PPP2R2D: variants seen among roughly 807,000 people sequenced by gnomAD.
The protein encoded by PPP2R2D is protein phosphatase 2 regulatory subunit Bdelta.
Under a neutral mutation model 31.1 loss-of-function variants are expected in PPP2R2D, and 9 were observed. The observed-to-expected ratio is 0.29, with a 90% CI of 0.17 to 0.51. PPP2R2D has a LOEUF of 0.51. Among genes scored for constraint, PPP2R2D ranks in the 20% least tolerant of loss-of-function variants. PPP2R2D has a pLI of 0.98. For synonymous variants in PPP2R2D, 179 were observed against 172.6 expected (o/e 1.04, Z -0.29); for missense variants, 391 against 465.6 (o/e 0.84, Z 1.48).
intron 2 of PPP2R2D, among the ~76,000 whole-genome samples, chr10:131,916,510 A>G (rs782005971): frequency 3.9e-5 from 6 of 152,170 alleles, no homozygotes; most frequent in African/African-American, 7.2e-5. Context: ...TACCAACACA[A>G]CTTTGTCCTA....
intron 3 of PPP2R2D, among the ~76,000 whole-genome samples, chr10:131,939,495 G>A (rs1268366820): frequency 6.4e-5 from 6 of 93,644 alleles, no homozygotes; most frequent in East Asian, 3.2e-4. Flanking sequence ...GGCTGCATTC[G>A]GCAGACCTGC....
At chr10:131,968,981 G>T in the PPP2R2D span, 1 of 160,692 alleles carries the variant, frequency 6.2e-6, no homozygotes, top group Non-Finnish European at 1.4e-5. Flanking sequence ...TTTGGTAGTG[G>T]GAGAGATGTC....
At chr10:131,946,186 T>C (rs1281516412) in intron 7 of PPP2R2D, among the ~76,000 whole-genome samples, 1 of 152,250 alleles carries the variant, frequency 6.6e-6, no homozygotes, top group Non-Finnish European at 1.5e-5. Flanking sequence ...TTCCCTTAGC[T>C]GAAAGTCTAG....
At chr10:131,929,749 C>T (rs2036181209) in intron 2 of PPP2R2D, among the ~76,000 whole-genome samples, 1 of 152,164 alleles carries the variant, frequency 6.6e-6, no homozygotes, top group Non-Finnish European at 1.5e-5. Context: ...GGCACATGGT[C>T]CTGACTTCTA....
chr10:131,927,038 C>G (rs75725817), intron 2 of PPP2R2D, among the ~76,000 whole-genome samples: 1 of 152,324 alleles, frequency 6.6e-6, no homozygotes, highest in East Asian at 1.9e-4. Context: ...TCATCCCGCT[C>G]CAGGTGGTCT....
At chr10:131,952,991 T>C (rs1446602761) in intron 8 of PPP2R2D, among the ~76,000 whole-genome samples, 1 of 118,980 alleles carries the variant, frequency 8.4e-6, no homozygotes, top group Admixed American at 8.5e-5. Context: ...CTTAGTGACT[T>C]GCGGGTGTGC....
chr10:131,934,545 GT>G lies in PPP2R2D; in HGVS notation c.189del (p.Glu64AsnfsTer30). The G allele has an allele frequency of 1.3e-6, 1 of 779,538 alleles. No homozygotes were observed. Among genetic ancestry groups the G allele is most frequent in the South Asian group, 1.3e-5 (1 of 74,082 alleles). 48.3% of individuals were successfully genotyped at this position (779,538 alleles called of 1,614,324 possible). Reference sequence around the variant, plus strand: ...GGCGGCAGAGTTGTTATTTTTCAGCGTGAACAAGAGGTCAGTAATTTTCAGT... The same window carrying G: ...GGCGGCAGAGTTGTTATTTTTCAGCGGAACAAGAGGTCAGTAATTTTCAGT... ...DKGGRVVIFQ[R>X]EQENKSRPHS... On this transcript the variant is annotated frameshift_variant, in exon 3 of 9. Transcript: ENST00000455566. LOFTEE classifies it high-confidence loss of function.
the PPP2R2D span, chr10:131,969,562 CGGG>C: frequency 6.6e-6 from 1 of 152,252 alleles, no homozygotes; most frequent in Non-Finnish European, 1.5e-5. Context: ...GGTGGAGACA[CGGG>C]CAGCGCTCAG....
At position 131,945,153 on chromosome 10, in the gene PPP2R2D, G is replaced by T; in HGVS notation, c.656-142G>T. The T allele has an allele frequency of 1.1e-6, 1 of 946,278 alleles. No individual in the cohort carries two copies. 58.6% of individuals were successfully genotyped at this position (946,278 alleles called of 1,614,324 possible). On this transcript the variant is annotated intron_variant, in intron 6 of 8. Transcript: ENST00000455566. The surrounding 1 kb of genome is among the most constrained non-coding windows in gnomAD (Gnocchi z 4.8). Reference sequence around the variant, plus strand: ...CTTACCAGGCGCTCCTTTGGAATTCGGGATGTGTAACCAGCCTTCTTAATA... The same window carrying T: ...CTTACCAGGCGCTCCTTTGGAATTCTGGATGTGTAACCAGCCTTCTTAATA...
At chr10:131,940,940 A>T in intron 5 of PPP2R2D, 1 of 376,256 alleles carries the variant, frequency 2.7e-6, no homozygotes, top group Non-Finnish European at 4.8e-6. Flanking sequence ...GAAAACTCAT[A>T]TTTAATTCTA....
chr10:131,952,273 G>A (rs868969040), intron 8 of PPP2R2D, among the ~76,000 whole-genome samples: 36 of 118,304 alleles, frequency 3.0e-4, no homozygotes, highest in South Asian at 1.7e-3. Context: ...AGTGACTTGC[G>A]GGTGTGCGGG....
At chr10:131,944,252 A>G (rs1554897611) in intron 6 of PPP2R2D, 107 bp downstream of exon 6, 1 of 895,852 alleles carries the variant, frequency 1.1e-6, no homozygotes, top group African/African-American at 1.7e-5. Flanking sequence ...TCTTGTAAAT[A>G]CCATCACTGC....
At chr10:131,906,285 A>G (rs1025111057) in intron 2 of PPP2R2D, among the ~76,000 whole-genome samples, 15 of 152,160 alleles carry the variant, frequency 9.9e-5, no homozygotes, top group African/African-American at 3.6e-4. Context: ...TAGCTTGATA[A>G]CAGCTGGTTC....
chr10:131,901,834 T>C (rs958310268), intron 2 of PPP2R2D, among the ~76,000 whole-genome samples: 2 of 152,188 alleles, frequency 1.3e-5, no homozygotes, highest in African/African-American at 2.4e-5. Context: ...TTGAGCGAGC[T>C]GGTTGCCTCG....
the PPP2R2D span, chr10:131,970,843 T>G: frequency 3.7e-6 from 6 of 1,614,132 alleles, no homozygotes; most frequent in Admixed American, 6.7e-5. The surrounding 1 kb of genome is among the most constrained non-coding windows in gnomAD (Gnocchi z 4.1). Flanking sequence ...GGTGCCCCCG[T>G]GACACTGAGA....
chr10:131,955,888 C>T lies in PPP2R2D; in HGVS notation c.1287C>T (p.Ala429=). 1 of 1,605,022 alleles carries T rather than the reference C, an allele frequency of 6.2e-7. No homozygotes were observed. Among genetic ancestry groups the T allele is most frequent in the Non-Finnish European group, 8.5e-7 (1 of 1,175,318 alleles). ...TCAACAAGAAGATCCTGCACACAGC[C>T]TGGCACCCCGTGGACAATGTCATTG... ...LDFNKKILHT[A]WHPVDNVIAV... is the part of the protein sequence containing the mutation. The change falls in exon 9 of 9, where the codon GCC becomes GCT. Residue 429 remains alanine, a synonymous_variant. Transcript: ENST00000455566.
At position 131,939,531 on chromosome 10, in the gene PPP2R2D, C is replaced by T. The variant is rs1166665251; in HGVS notation, c.199-500C>T. ...TCCAGAAAACACGGCAGGCTGCATT[C>T]GGCAGACCTGCTCCAGAAAATACGG... On this transcript the variant is annotated intron_variant, in intron 3 of 8. Transcript: ENST00000455566. Among the ~76,000 whole-genome samples, 127 of 126,416 alleles carry T rather than the reference C, an allele frequency of 1.0e-3. 7 individuals carry two copies. The highest frequency in any genetic ancestry group is 3.6e-3 in the African/African-American group (114 of 31,628). The allele number at this position is 126,416 out of a possible 152,430, so 82.9% of individuals were successfully genotyped here.
chr10:131,905,169 A>G (rs2035562685), intron 2 of PPP2R2D, among the ~76,000 whole-genome samples: 1 of 152,154 alleles, frequency 6.6e-6, no homozygotes, highest in Non-Finnish European at 1.5e-5. Context: ...GGTGACTTGC[A>G]TCTCCTCCCT....
Position 131,901,175 on chromosome 10 carries a change from C to G in PPP2R2D, c.7+20C>G, listed in dbSNP as rs1348570862. On this transcript the variant is annotated intron_variant, in intron 1 of 8. Transcript: ENST00000455566. ...TGGCAGGTGAGGGGTCTGCGCGGGCCGGCGGGGACCACGGGGGCGGGCGGG... is the reference window on the plus strand; with the variant it reads ...TGGCAGGTGAGGGGTCTGCGCGGGCGGGCGGGGACCACGGGGGCGGGCGGG... 1 of 312,402 alleles carries G rather than the reference C, an allele frequency of 3.2e-6. No individual in the cohort carries two copies. Among genetic ancestry groups the G allele is most frequent in the Non-Finnish European group, 5.8e-6 (1 of 173,422 alleles). The allele number at this position is 312,402 out of a possible 1,614,324, so 19.4% of individuals were successfully genotyped here.
Sources: allele counts gnomAD v4.1 joint callset (sites outside exome capture counted in the v4.1 genomes callset), GRCh38; gene constraint gnomAD v4.1.1; non-coding constraint Gnocchi (gnomAD v3.1); transcripts MANE v1.5; gene names NCBI Gene and HGNC (gene_info 2026-07-23, HGNC 2026-07-21).